The following SCG3 variants were observed in gnomAD, a reference collection of about 807,000 sequenced individuals.
SCG3 encodes the protein secretogranin-3.
Under a neutral mutation model 56.2 loss-of-function variants are expected in SCG3, and 38 were observed. That is an observed-to-expected ratio of 0.68 (90% CI 0.52 to 0.89). The LOEUF (loss-of-function observed/expected upper bound fraction) is 0.89, where lower values mean the gene tolerates loss of function less well. SCG3 is among the 40% of genes least tolerant of loss of function. SCG3 has a pLI of 0.00. For synonymous variants in SCG3, 176 were observed against 184.2 expected, an observed-to-expected ratio of 0.96 and a Z score of 0.36; for missense variants, 524 against 540.7, an observed-to-expected ratio of 0.97 and a Z score of 0.31.
chr15:51,709,711 T>TTA (rs1567222359), intron 10 of SCG3, among the ~76,000 whole-genome samples: 10 of 35,046 alleles, frequency 2.9e-4, no homozygotes, highest in South Asian at 1.3e-3. Flanking sequence ...ATTTTTTTTT[T>TTA]TTTTTTTTTT....
intron 1 of SCG3, 119 bp downstream of exon 1, chr15:51,681,956 T>C (rs946028027): frequency 2.7e-6 from 2 of 731,478 alleles, no homozygotes. Flanking sequence ...ATCATATCCA[T>C]GAATACGGAC....
Position 51,701,251 on chromosome 15 carries a change from G to T in SCG3, c.1207+7G>T. On this transcript the variant is annotated splice_region_variant and intron_variant, in intron 10 of 11. Coordinates refer to ENST00000220478, the MANE Select transcript of SCG3 (RefSeq NM_013243.4). ...AAGACAGATGAACCCAAAGGTATGG[G>T]ATTGACAGCTCTAGGTTAGCAATGA... 1.3e-6 allele frequency: 2 copies of T among 1,578,796 alleles called. No individual in the cohort carries two copies. Among genetic ancestry groups the T allele is most frequent in the Non-Finnish European group, 1.7e-6 (2 of 1,166,918 alleles).
chr15:51,681,552 G>C lies in SCG3; in HGVS notation c.-204G>C, dbSNP rs761387310. The C allele has an allele frequency of 1.0e-4, 61 of 583,494 alleles. No individual in the cohort carries two copies. Among genetic ancestry groups the C allele is most frequent in the Non-Finnish European group, 1.5e-4 (49 of 325,486 alleles). The allele number at this position is 583,494 out of a possible 1,614,324, so 36.1% of individuals were successfully genotyped here. On this transcript the variant is annotated 5_prime_UTR_variant, in exon 1 of 12. Coordinates refer to ENST00000220478, the MANE Select transcript of SCG3 (RefSeq NM_013243.4). ...CGGACAGCGCTCCCCTCTACCTGGA[G>C]ACTTGACTCCCGCGCGCCCCAACCC...
At chr15:51,682,609 AT>A (rs758231284) in intron 2 of SCG3, 40 bp downstream of exon 2, 2 of 1,101,822 alleles carry the variant, frequency 1.8e-6, no homozygotes, top group Non-Finnish European at 2.6e-6. Context: ...TTTCATTTTG[AT>A]TTAGTTATTA....
At chr15:51,718,199 T>C (rs145227595) in intron 11 of SCG3, among the ~76,000 whole-genome samples, 336 of 148,998 alleles carry the variant, frequency 2.3e-3, no homozygotes, top group Middle Eastern at 6.8e-3. Context: ...GATAGATAGA[T>C]AGACAGACAG....
chr15:51,689,382 T>G lies in SCG3; in HGVS notation c.690+14T>G. The G allele has an allele frequency of 6.2e-7, 1 of 1,602,990 alleles. No individual in the cohort carries two copies. The highest frequency in any genetic ancestry group is 8.5e-7 in the Non-Finnish European group (1 of 1,174,600). ...CCAGAGAAAGTGGTATGTATGTGTA[T>G]ATATGCATATGCATGGGGGTGTGTG... is the stretch of plus-strand genomic sequence containing the variant. On this transcript the variant is annotated intron_variant, in intron 6 of 11. Coordinates refer to ENST00000220478, the MANE Select transcript of SCG3 (RefSeq NM_013243.4).
chr15:51,708,090 C>A (rs531951671), intron 10 of SCG3: 1 of 152,290 alleles, frequency 6.6e-6, no homozygotes, highest in South Asian at 2.1e-4. Context: ...TCGACTCTGG[C>A]CCTCCTCCCA....
chr15:51,701,140 G>A lies in SCG3; in HGVS notation c.1103G>A (p.Ser368Asn), dbSNP rs1338726270. 1.2e-6 allele frequency: 2 copies of A among 1,613,924 alleles called. No homozygotes were observed. The highest frequency in any genetic ancestry group is 1.7e-6 in the Non-Finnish European group (2 of 1,179,958). Residue 368 changes from serine (S) to asparagine (N), a missense_variant, in exon 10 of 12, where the codon AGT (serine) becomes AAT (asparagine). Coordinates refer to ENST00000220478, the MANE Select transcript of SCG3 (RefSeq NM_013243.4). ...PSEKSHEETD[S>N]TKEEAAKMEK... ...GAGAAGAGTCATGAAGAAACAGACA[G>A]TACCAAGGAAGAAGCAGCTAAGATG...
rs2055337395 is a variant in SCG3, at chr15:51,701,202, G to C, written c.1165G>C (p.Asp389His). Residue 389 changes from aspartate to histidine, a missense_variant, in exon 10 of 12, where the codon GAT becomes CAT. Asp to His is a moderately conservative substitution (Grantham distance 81). Transcript: ENST00000220478. ...TGGAAGCTTGAAGGATTCCACAAAA[G>C]ATGATAACTCCAACCCAGGAGGAAA... is the stretch of plus-strand genomic sequence containing the variant. Reference protein sequence around the residue: ...EYGSLKDSTKDDNSNPGGKTD... With the variant: ...EYGSLKDSTKHDNSNPGGKTD... 6.2e-7 allele frequency: 1 copy of C among 1,612,112 alleles called. No homozygotes were observed. The highest frequency in any genetic ancestry group is 1.1e-5 in the South Asian group (1 of 90,686).
At chr15:51,688,046 TAAGA>T (rs1371816025) in intron 4 of SCG3, among the ~76,000 whole-genome samples, 2 of 152,216 alleles carry the variant, frequency 1.3e-5, no homozygotes, top group Non-Finnish European at 2.9e-5. Context: ...TATAGTCACC[TAAGA>T]AAGTTTCAGA....
intron 4 of SCG3, among the ~76,000 whole-genome samples, chr15:51,684,796 C>G (rs1404503837): frequency 1.3e-5 from 2 of 152,154 alleles, no homozygotes; most frequent in Non-Finnish European, 2.9e-5. Flanking sequence ...CTGAAAACTT[C>G]ATAAGAATAG....
chr15:51,694,043 T>G (rs1021112582), intron 7 of SCG3: 3 of 152,232 alleles, frequency 2.0e-5, no homozygotes, highest in Admixed American at 6.5e-5. Context: ...CCCATGACTT[T>G]ATGGCATTTT....
chr15:51,696,120 C>A, intron 8 of SCG3, 129 bp downstream of exon 8: 1 of 707,420 alleles, frequency 1.4e-6, no homozygotes. Flanking sequence ...CAAGAATCGA[C>A]CAGTTTGATA....
At chr15:51,695,030 C>CAA (rs555948728) in intron 7 of SCG3, among the ~76,000 whole-genome samples, 18 of 80,542 alleles carry the variant, frequency 2.2e-4, no homozygotes, top group African/African-American at 8.0e-4. Flanking sequence ...GACTCTATCT[C>CAA]AAAAAAAAAA....
chr15:51,700,641 T>C lies in SCG3; in HGVS notation c.1070-466T>C, dbSNP rs913869383. ...CCTTAGGTGTGATTGAGTAATAGAC[T>C]GTCTTTCAAAAATGCAATGTCAAGG... On this transcript the variant is annotated intron_variant, in intron 9 of 11. Coordinates refer to ENST00000220478, the MANE Select transcript of SCG3 (RefSeq NM_013243.4). Among the ~76,000 whole-genome samples the C allele has an allele frequency of 2.6e-5, 4 of 152,310 alleles. No individual in the cohort carries two copies. In the East Asian group the frequency reaches 5.8e-4, roughly 22 times the overall value.
chr15:51,698,252 G>A (rs907439623), intron 8 of SCG3, among the ~76,000 whole-genome samples: 14 of 152,124 alleles, frequency 9.2e-5, no homozygotes, highest in Non-Finnish European at 1.5e-4. Flanking sequence ...GAAAAGGCTC[G>A]TCCTAAAATA....
At chr15:51,684,477 T>C (rs924306126) in intron 4 of SCG3, among the ~76,000 whole-genome samples, 4 of 152,170 alleles carry the variant, frequency 2.6e-5, no homozygotes, top group African/African-American at 9.7e-5. Flanking sequence ...CTTGGGAGGC[T>C]GAGGCAGGAG....
rs200295121 is a variant in SCG3 at position 51,688,396 on chromosome 15, C to T, written c.534C>T (p.Leu178=). ...AGATTGTTTCTAAACTACTTAATCT[C>T]GGCCTTGTAAGTCATTTGGTAGGAA... The part of the protein sequence containing the change: ...FDKIVSKLLN[L]GLITESQAHT... The change falls in exon 5 of 12, where the codon CTC becomes CTT. Residue 178 remains leucine, a synonymous_variant. Transcript: ENST00000220478. 2.1e-5 allele frequency: 34 copies of T among 1,612,880 alleles called. No individual in the cohort carries two copies. The highest frequency in any genetic ancestry group is 4.4e-5 in the South Asian group (4 of 90,984).
In SCG3 at chr15:51,681,663, T is replaced by A; in HGVS notation, c.-93T>A. On this transcript the variant is annotated 5_prime_UTR_variant, in exon 1 of 12. Transcript: ENST00000220478. ...CCCGCCCCACACCCACCCTCCTGGC[T>A]CTTCCTGTTTTTACTCCTCCTTTTC... 2.2e-6 allele frequency: 1 copy of A among 447,816 alleles called. No homozygotes were observed. Among genetic ancestry groups the A allele is most frequent in the Admixed American group, 2.4e-5 (1 of 41,672 alleles). 27.7% of individuals were successfully genotyped at this position (447,816 alleles called of 1,614,324 possible).
Sources: allele counts gnomAD v4.1 joint callset (sites outside exome capture counted in the v4.1 genomes callset), GRCh38; gene constraint gnomAD v4.1.1; transcripts MANE v1.5; gene names NCBI Gene and HGNC (gene_info 2026-07-23, HGNC 2026-07-21).